ACOX3: variants seen among roughly 807,000 people sequenced by gnomAD.
ACOX3 encodes the protein peroxisomal acyl-coenzyme A oxidase 3.
Under a neutral mutation model 81.5 loss-of-function variants are expected in ACOX3, and 73 were observed. The observed-to-expected ratio is 0.90, with a 90% CI of 0.74 to 1.09. The LOEUF (loss-of-function observed/expected upper bound fraction) is 1.09, where lower values mean the gene tolerates loss of function less well. Ranked by LOEUF, ACOX3 falls within the 50% of genes least tolerant of loss-of-function variation. ACOX3 has a pLI of 0.00. For synonymous variants in ACOX3, 387 were observed against 375.1 expected (o/e 1.03, Z -0.37); for missense variants, 947 against 928.0 (o/e 1.02, Z -0.27).
chr4:8,358,813 T>A, the ACOX3 span, among the ~76,000 whole-genome samples: 1 of 152,228 alleles, frequency 6.6e-6, no homozygotes, highest in Non-Finnish European at 1.5e-5. Context: ...GATTAGCATA[T>A]CATCAAGAAA....
rs762962285 is a variant in ACOX3 at position 8,410,303 on chromosome 4, T to C, written c.596A>G (p.Asn199Ser). ...DFEAAKFWVG[N>S]MGKTATHAVV... Reference sequence around the variant, plus strand: ...CGCGTGAGTGGCTGTCTTGCCCATGTTGCCAACCCAAAACTTGGCAGCTTC... The same window carrying C: ...CGCGTGAGTGGCTGTCTTGCCCATGCTGCCAACCCAAAACTTGGCAGCTTC... Residue 199 changes from asparagine to serine, a missense_variant, in exon 6 of 18, where the codon AAC becomes AGC. By Grantham distance (46) the Asn-to-Ser change is conservative. Coordinates refer to ENST00000356406, the MANE Select transcript of ACOX3 (RefSeq NM_003501.3). 6.2e-7 allele frequency: 1 copy of C among 1,614,160 alleles called. No homozygotes were observed. The highest frequency in any genetic ancestry group is 8.5e-7 in the Non-Finnish European group (1 of 1,180,000).
At chr4:8,363,285 C>T (rs75661234), downstream of ACOX3, among the ~76,000 whole-genome samples, 1,807 of 152,334 alleles carry the variant, frequency 0.012, 12 homozygotes, top group Non-Finnish European at 0.018. Flanking sequence ...TTTGCTTATT[C>T]TGTTATATTG....
At chr4:8,363,814 C>A (rs947606657), downstream of ACOX3, among the ~76,000 whole-genome samples, 4 of 152,172 alleles carry the variant, frequency 2.6e-5, no homozygotes, top group Admixed American at 6.5e-5. Flanking sequence ...TCGTTGTCCT[C>A]ACTGCTACAC....
chr4:8,408,891 T>TGGCGG (rs1560193586), intron 6 of ACOX3, among the ~76,000 whole-genome samples: 18 of 25,788 alleles, frequency 7.0e-4, no homozygotes, highest in Non-Finnish European at 8.1e-4. Context: ...GAGCCCTCAC[T>TGGCGG]GGGGGGGGGG....
In ACOX3 at chr4:8,381,895, C is replaced by T. The variant is rs1004619986; in HGVS notation, c.1538-288G>A. Among the ~76,000 whole-genome samples the T allele has an allele frequency of 2.0e-5, 3 of 152,262 alleles. No homozygotes were observed. Among genetic ancestry groups the T allele is most frequent in the Non-Finnish European group, 4.4e-5 (3 of 68,040 alleles). On this transcript the variant is annotated intron_variant, in intron 13 of 17. Transcript: ENST00000356406. This position sits in a 1 kb window ranked among gnomAD's most constrained non-coding sequence, Gnocchi z 4.3. Reference sequence around the variant, plus strand: ...GGAGGCCACAGGAACACGGTGCCGCCGCTAGAGTGGGCCCCCGAGTGGGAC... The same window carrying T: ...GGAGGCCACAGGAACACGGTGCCGCTGCTAGAGTGGGCCCCCGAGTGGGAC...
downstream of ACOX3, among the ~76,000 whole-genome samples, chr4:8,362,499 G>A (rs1251886563): frequency 6.6e-6 from 1 of 152,204 alleles, no homozygotes; most frequent in East Asian, 1.9e-4. Context: ...TTGCATAAGT[G>A]CAATAAACAT....
chr4:8,362,633 G>T (rs1308666944), downstream of ACOX3, among the ~76,000 whole-genome samples: 1 of 152,196 alleles, frequency 6.6e-6, no homozygotes, highest in Non-Finnish European at 1.5e-5. Flanking sequence ...AAGCCCCTTG[G>T]CGAAATGCCT....
downstream of ACOX3, among the ~76,000 whole-genome samples, chr4:8,364,343 T>A (rs1487210552): frequency 6.6e-6 from 1 of 152,248 alleles, no homozygotes; most frequent in Non-Finnish European, 1.5e-5. This position sits in a 1 kb window ranked among gnomAD's most constrained non-coding sequence, Gnocchi z 5.0. Flanking sequence ...TTCAAATATT[T>A]CACAGAGCTT....
Position 8,416,911 on chromosome 4 carries a change from AC to A in ACOX3, c.-14-377del, listed in dbSNP as rs568099803. 8.7e-4 allele frequency among the ~76,000 whole-genome samples: 133 copies of A among 152,230 alleles called. No homozygotes were observed. Among genetic ancestry groups the A allele is most frequent in the South Asian group, 1.4e-3 (7 of 4,828 alleles). On this transcript the variant is annotated intron_variant, in intron 1 of 17. Coordinates refer to ENST00000356406, the MANE Select transcript of ACOX3 (RefSeq NM_003501.3). This position sits in a 1 kb window ranked among gnomAD's most constrained non-coding sequence, Gnocchi z 4.2. ...CAGACTCATCCCCAAGGCTCACTAA[AC>A]CCAGGGTCAGGAAGCATTCCCTCTG...
intron 14 of ACOX3, among the ~76,000 whole-genome samples, chr4:8,376,740 C>T (rs1717018941): frequency 6.6e-6 from 1 of 152,286 alleles, no homozygotes; most frequent in South Asian, 2.1e-4. Flanking sequence ...CTTGGGGCTT[C>T]CTGCCCTCTT....
chr4:8,408,274 GAAAAA>G (rs1298109122), intron 6 of ACOX3, among the ~76,000 whole-genome samples: 1 of 142,350 alleles, frequency 7.0e-6, no homozygotes, highest in Non-Finnish European at 1.6e-5. Context: ...AAAAAAAAAA[GAAAAA>G]AAGAAAGAAA....
Position 8,370,188 on chromosome 4 carries a change from G to C in ACOX3, c.1983+720C>G, listed in dbSNP as rs115011672. ...CCCGAGCAGCAGGCACAAGGCCCTG[G>C]GGTGGGCATGGGCCTGGCGCGACAG... On this transcript the variant is annotated intron_variant, in intron 17 of 17. Transcript: ENST00000356406. This position sits in a 1 kb window ranked among gnomAD's most constrained non-coding sequence, Gnocchi z 6.3. 0.01 allele frequency among the ~76,000 whole-genome samples: 1,575 copies of C among 152,352 alleles called. 22 individuals carry two copies. The highest frequency in any genetic ancestry group is 0.036 in the African/African-American group (1,516 of 41,570).
rs1295669996 is a variant in ACOX3 at position 8,381,439 on chromosome 4, C to T, written c.1653+53G>A. The T allele has an allele frequency of 1.8e-5, 27 of 1,532,002 alleles. No individual in the cohort carries two copies. The highest frequency in any genetic ancestry group is 1.2e-4 in the Admixed American group (7 of 58,992). The allele number at this position is 1,532,002 out of a possible 1,614,324, so 94.9% of individuals were successfully genotyped here. On this transcript the variant is annotated intron_variant, in intron 14 of 17. Coordinates refer to ENST00000356406, the MANE Select transcript of ACOX3 (RefSeq NM_003501.3). The surrounding 1 kb of genome is among the most constrained non-coding windows in gnomAD (Gnocchi z 4.3). Reference sequence around the variant, plus strand: ...TTCAAACTCCCAGGGACACAACGGCCAGGGAATTAAGAGCAAATAATACAA... The same window carrying T: ...TTCAAACTCCCAGGGACACAACGGCTAGGGAATTAAGAGCAAATAATACAA...
Position 8,414,730 on chromosome 4 carries a change from A to G in ACOX3, c.453+124T>C. ...GCTATTTGGTGAGAAGCCTGAGAACACTAGGAAACAAGAAGAGCATAAGCC... is the reference window on the plus strand; with the variant it reads ...GCTATTTGGTGAGAAGCCTGAGAACGCTAGGAAACAAGAAGAGCATAAGCC... On this transcript the variant is annotated intron_variant, in intron 4 of 17. Coordinates refer to ENST00000356406, the MANE Select transcript of ACOX3 (RefSeq NM_003501.3). This position sits in a 1 kb window ranked among gnomAD's most constrained non-coding sequence, Gnocchi z 6.1. 6.6e-6 allele frequency: 6 copies of G among 908,980 alleles called. No individual in the cohort carries two copies. The highest frequency in any genetic ancestry group is 1.1e-5 in the Non-Finnish European group (6 of 569,158). 56.3% of individuals were successfully genotyped at this position (908,980 alleles called of 1,614,324 possible).
Position 8,389,256 on chromosome 4 carries a change from G to T in ACOX3, c.1454C>A (p.Ser485Ter). 2 of 1,613,490 alleles carry T rather than the reference G, an allele frequency of 1.2e-6. No individual in the cohort carries two copies. The highest frequency in any genetic ancestry group is 1.7e-6 in the Non-Finnish European group (2 of 1,179,842). Reference sequence around the variant, plus strand: ...GGGATAGGCGTCCAGAAAGTCCACTGACTTCAGCGGACTGCGGAAGCAAGC... The same window carrying T: ...GGGATAGGCGTCCAGAAAGTCCACTTACTTCAGCGGACTGCGGAAGCAAGC... ...DGACFRSPLK[S>*]VDFLDAYPGI... The change falls in exon 13 of 18, where the codon TCA becomes TAA. Residue 485 changes from serine (S) to a stop codon, truncating the protein, a stop_gained. Coordinates refer to ENST00000356406, the MANE Select transcript of ACOX3 (RefSeq NM_003501.3). LOFTEE classifies it high-confidence loss of function. The surrounding 1 kb of genome is among the most constrained non-coding windows in gnomAD (Gnocchi z 5.3).
the ACOX3 span, chr4:8,356,042 A>G: frequency 7.0e-4 from 129 of 184,656 alleles, no homozygotes; most frequent in Non-Finnish European, 1.2e-3. Context: ...ACTGCTGGCA[A>G]GACTCCTACA....
chr4:8,389,402 C>T lies in ACOX3; in HGVS notation c.1424-116G>A, dbSNP rs961166143. 3.1e-6 allele frequency: 4 copies of T among 1,279,530 alleles called. No homozygotes were observed. The East Asian group carries it at 1.0e-4, about 32-fold the overall frequency. The allele number at this position is 1,279,530 out of a possible 1,614,324, so 79.3% of individuals were successfully genotyped here. A position where few individuals can be genotyped will look rare whatever the true frequency, so the allele number is the denominator to read the frequency against. Reference sequence around the variant, plus strand: ...GTCCAGAGGACCCGACGGCCACAGACCCACAGGCGAGGGTCTGGGTCTCAA... The same window carrying T: ...GTCCAGAGGACCCGACGGCCACAGATCCACAGGCGAGGGTCTGGGTCTCAA... On this transcript the variant is annotated intron_variant, in intron 12 of 17. Coordinates refer to ENST00000356406, the MANE Select transcript of ACOX3 (RefSeq NM_003501.3). The surrounding 1 kb of genome is among the most constrained non-coding windows in gnomAD (Gnocchi z 5.3).
In ACOX3 at chr4:8,418,989, A is replaced by G. The variant is rs62286048; in HGVS notation, c.-14-2454T>C. Among the ~76,000 whole-genome samples, 476 of 101,498 alleles carry G rather than the reference A, an allele frequency of 4.7e-3. 2 individuals carry two copies. The highest frequency in any genetic ancestry group is 6.5e-3 in the Non-Finnish European group (334 of 51,730). 66.6% of individuals were successfully genotyped at this position (101,498 alleles called of 152,430 possible). On this transcript the variant is annotated intron_variant, in intron 1 of 17. Coordinates refer to ENST00000356406, the MANE Select transcript of ACOX3 (RefSeq NM_003501.3). Reference sequence around the variant, plus strand: ...CCACTTCACATCCACTAGGATGGCAATGAGCAAAAAGATACTAAAATACTA... The same window carrying G: ...CCACTTCACATCCACTAGGATGGCAGTGAGCAAAAAGATACTAAAATACTA...
At position 8,416,562 on chromosome 4, in the gene ACOX3, A is replaced by G. The variant is rs55856487; in HGVS notation, c.-14-27T>C. 16,395 of 1,545,014 alleles carry G rather than the reference A, an allele frequency of 0.011. 191 individuals carry two copies. Among genetic ancestry groups the G allele is most frequent in the South Asian group, 0.04 (3,168 of 80,178 alleles). On this transcript the variant is annotated intron_variant, in intron 1 of 17. Coordinates refer to ENST00000356406, the MANE Select transcript of ACOX3 (RefSeq NM_003501.3). This position sits in a 1 kb window ranked among gnomAD's most constrained non-coding sequence, Gnocchi z 4.2. ...TGCACAAAACATGCAACCTGAATCCATGCTCTCCCATCTATGGGTTCAAAC... is the reference window on the plus strand; with the variant it reads ...TGCACAAAACATGCAACCTGAATCCGTGCTCTCCCATCTATGGGTTCAAAC...
Sources: gnomAD v4.1 joint callset for allele counts (sites outside exome capture counted in the v4.1 genomes callset) on GRCh38, gnomAD v4.1.1 for gene constraint, Gnocchi (gnomAD v3.1) non-coding constraint, MANE v1.5 for transcripts, NCBI Gene and HGNC (gene_info 2026-07-23, HGNC 2026-07-21) for gene names.